Variants in SMC2 observed in about 807,000 individuals in gnomAD.
The protein encoded by SMC2 is structural maintenance of chromosomes 2.
In SMC2, 41 loss-of-function variants were observed where a neutral mutation model predicts 142.6. That is an observed-to-expected ratio of 0.29 (90% CI 0.22 to 0.37). SMC2 has a LOEUF of 0.37. Ranked by LOEUF, SMC2 falls within the 10% of genes least tolerant of loss-of-function variation. SMC2 has a pLI of 1.00. For missense variants in SMC2, 1,265 were observed against 1,373.7 expected (o/e 0.92, Z 1.25); for synonymous variants, 463 against 457.5 (o/e 1.01, Z -0.15).
At position 104,118,208 on chromosome 9, in the gene SMC2, T is replaced by C; in HGVS notation, c.1829T>C (p.Val610Ala). The C allele has an allele frequency of 1.9e-6, 3 of 1,613,862 alleles. No individual in the cohort carries two copies. Among genetic ancestry groups the C allele is most frequent in the Non-Finnish European group, 2.5e-6 (3 of 1,179,796 alleles). Residue 610 changes from valine to alanine, a missense_variant, in exon 15 of 25, where the codon GTT becomes GCT. By Grantham distance (64) the Val-to-Ala change is moderately conservative. This residue lies in a region of SMC2 where 898 missense variants were observed against 904.2 expected (regional missense o/e 0.99). Transcript: ENST00000374793. Reference protein sequence around the residue: ...PDNVHVALSLVEYKPELQKAM... With the variant: ...PDNVHVALSLAEYKPELQKAM... ...AACGTTCATGTGGCTCTTTCCTTGG[T>C]TGAATATAAACCAGAACTTCAGAAA...
intron 16 of SMC2, among the ~76,000 whole-genome samples, chr9:104,122,806 T>C (rs1833882177): frequency 6.6e-6 from 1 of 152,182 alleles, no homozygotes; most frequent in South Asian, 2.1e-4. Flanking sequence ...GATTTTTTTT[T>C]CTTTTTAGTT....
At chr9:104,093,564 G>C (rs1316913020), upstream of SMC2, among the ~76,000 whole-genome samples, 3 of 151,068 alleles carry the variant, frequency 2.0e-5, no homozygotes, top group African/African-American at 7.3e-5. Flanking sequence ...AACATGAACT[G>C]TCTTAAAAGG....
chr9:104,118,430 C>CT (rs1357174430), intron 15 of SMC2, 55 bp downstream of exon 15: 3 of 1,427,306 alleles, frequency 2.1e-6, no homozygotes, highest in Non-Finnish European at 2.9e-6. Flanking sequence ...AGGAAGATGC[C>CT]TTTTTTAAGT....
chr9:104,113,252 C>CCATTTAAT (rs1285593280), intron 10 of SMC2, 64 bp from the exon 11 acceptor site: 142 of 1,235,278 alleles, frequency 1.1e-4, no homozygotes, highest in Admixed American at 1.6e-4. Flanking sequence ...GAATCTTCGG[C>CCATTTAAT]CATTTAATTA....
chr9:104,125,030 A>T lies in SMC2; in HGVS notation c.2376A>T (p.Lys792Asn). 6.2e-7 allele frequency: 1 copy of T among 1,607,072 alleles called. No homozygotes were observed. The highest frequency in any genetic ancestry group is 8.5e-7 in the Non-Finnish European group (1 of 1,178,532). Residue 792 changes from lysine (K) to asparagine (N), a missense_variant, in exon 18 of 25, where the codon AAA (lysine) becomes AAT (asparagine). Physicochemically the swap from Lys to Asn is moderately conservative, Grantham distance 94. Transcript: ENST00000374793. ...AAGCTGAAAGAGAGCGAGAACTGAA[A>T]GATGCTCAGAAAAAACTGGATTGTG... ...NAEAEREREL[K>N]DAQKKLDCAK...
chr9:104,136,796 T>C (rs910224844), intron 23 of SMC2, among the ~76,000 whole-genome samples: 1 of 149,764 alleles, frequency 6.7e-6, no homozygotes, highest in African/African-American at 2.5e-5. Flanking sequence ...TCTCTACTTG[T>C]GCACACATTT....
At chr9:104,100,799 GC>G (rs1324469043) in intron 7 of SMC2, among the ~76,000 whole-genome samples, 1 of 152,100 alleles carries the variant, frequency 6.6e-6, no homozygotes, top group Non-Finnish European at 1.5e-5. Flanking sequence ...GATAACAGGG[GC>G]TATCACTATA....
intron 18 of SMC2, among the ~76,000 whole-genome samples, chr9:104,125,383 C>G (rs1266690062): frequency 6.6e-6 from 1 of 152,056 alleles, no homozygotes; most frequent in Non-Finnish European, 1.5e-5. Context: ...CTCAGTTACT[C>G]TGTATAATGC....
In SMC2 at chr9:104,141,183, T is replaced by C. The variant is rs1323589521; in HGVS notation, c.*1868T>C. The C allele has an allele frequency of 6.6e-6, 1 of 152,196 alleles. No homozygotes were observed. Among genetic ancestry groups the C allele is most frequent in the East Asian group, 1.9e-4 (1 of 5,192 alleles). 9.4% of individuals were successfully genotyped at this position (152,196 alleles called of 1,614,324 possible). ...CTGCTGTTCTCATTTGTATGTATTG[T>C]CATATTTAATCCTCAGAGTAACCTA... On this transcript the variant is annotated 3_prime_UTR_variant, in exon 25 of 25. Transcript: ENST00000374793.
At chr9:104,126,601 A>G (rs759569200) in intron 18 of SMC2, 40 bp from the exon 19 acceptor site, 38 of 1,512,730 alleles carry the variant, frequency 2.5e-5, no homozygotes, top group Non-Finnish European at 3.4e-5. Context: ...TTCAGTAGTT[A>G]ATAACCTATA....
At chr9:104,119,063 C>G (rs1833439964) in intron 15 of SMC2, among the ~76,000 whole-genome samples, 1 of 151,974 alleles carries the variant, frequency 6.6e-6, no homozygotes. Flanking sequence ...TGTTTTTAAC[C>G]CAGTAGACGG....
intron 7 of SMC2, 23 bp from the exon 8 acceptor site, chr9:104,101,936 CT>C (rs755919345): frequency 3.6e-6 from 5 of 1,402,678 alleles, no homozygotes; most frequent in Admixed American, 2.2e-5. Flanking sequence ...TTGAGTTATT[CT>C]TTTTTTGTGA....
chr9:104,124,763 T>A (rs1206006770), intron 17 of SMC2, 149 bp from the exon 18 acceptor site: 1 of 563,104 alleles, frequency 1.8e-6, no homozygotes, highest in Non-Finnish European at 3.1e-6. Context: ...GATCTGTGTT[T>A]CATTATACCA....
chr9:104,126,706 G>C lies in SMC2; in HGVS notation c.2517G>C (p.Gln839His). The C allele has an allele frequency of 6.2e-7, 1 of 1,612,534 alleles. No homozygotes were observed. The highest frequency in any genetic ancestry group is 8.5e-7 in the Non-Finnish European group (1 of 1,179,208). ...LKREHTSYKQ[Q>H]LEAVNEAIKS... ...GAGAGCATACATCTTACAAACAACA[G>C]CTTGAAGCTGTAAATGAAGCTATCA... is the stretch of plus-strand genomic sequence containing the variant. Residue 839 changes from glutamine (Q) to histidine (H), a missense_variant, in exon 19 of 25, where the codon CAG becomes CAC. Gln to His is a conservative substitution (Grantham distance 24). Coordinates refer to ENST00000374793, the MANE Select transcript of SMC2 (RefSeq NM_006444.3).
At chr9:104,106,462 C>T (rs1831796720) in intron 9 of SMC2, among the ~76,000 whole-genome samples, 4 of 152,066 alleles carry the variant, frequency 2.6e-5, no homozygotes, top group Admixed American at 2.6e-4. Flanking sequence ...AATTTCGGCT[C>T]ACTACAACTT....
chr9:104,106,261 G>T (rs1480321916), intron 9 of SMC2, among the ~76,000 whole-genome samples: 1 of 152,150 alleles, frequency 6.6e-6, no homozygotes, highest in Non-Finnish European at 1.5e-5. Flanking sequence ...AGTGAAATAT[G>T]ATGAAGTATC....
chr9:104,090,778 G>A (rs146308295), upstream of SMC2, among the ~76,000 whole-genome samples: 536 of 152,238 alleles, frequency 3.5e-3, 2 homozygotes, highest in African/African-American at 0.012. Flanking sequence ...ATAAATCACT[G>A]AGTAAGAGTC....
intron 15 of SMC2, among the ~76,000 whole-genome samples, chr9:104,119,008 G>A (rs1437849040): frequency 6.6e-6 from 1 of 152,142 alleles, no homozygotes; most frequent in African/African-American, 2.4e-5. Flanking sequence ...CTACAGGGTG[G>A]CAGAGCTTAG....
At position 104,134,476 on chromosome 9, in the gene SMC2, C is replaced by T. The variant is rs202147412; in HGVS notation, c.3170C>T (p.Ala1057Val). ...TLLPGANAML[A>V]PPEGQTVLDG... ...TTGCCTGGTGCTAATGCTATGCTTG[C>T]ACCACCAGAGGGTCAAACTGTTTTG... Residue 1057 changes from alanine (A) to valine (V), a missense_variant, in exon 23 of 25, where the codon GCA (alanine) becomes GTA (valine). Physicochemically the swap from Ala to Val is moderately conservative, Grantham distance 64. Around this residue, in one of 4 missense-constraint regions of SMC2, gnomAD observed 192 missense variants for 261.9 expected, o/e 0.73. Transcript: ENST00000374793. 48 of 1,612,666 alleles carry T rather than the reference C, an allele frequency of 3.0e-5. No homozygotes were observed. The East Asian group carries it at 9.1e-4, about 31-fold the overall frequency.
Sources: gnomAD v4.1 joint callset for allele counts (sites outside exome capture counted in the v4.1 genomes callset) on GRCh38, gnomAD v4.1.1 for gene constraint, gnomAD v4.1.1 regional missense constraint, MANE v1.5 for transcripts, NCBI Gene and HGNC (gene_info 2026-07-23, HGNC 2026-07-21) for gene names.